EYS: variants seen among roughly 807,000 people sequenced by gnomAD.
The protein encoded by EYS is EGF-like photoreceptor maintenance factor, also known as protein eyes shut homolog.
Under a neutral mutation model 282.1 loss-of-function variants are expected in EYS, and 250 were observed. The ratio of observed to expected loss-of-function variants is 0.89; its 90% CI spans 0.80 to 0.98. The LOEUF is 0.98. EYS is among the 50% of genes least tolerant of loss of function. EYS has a pLI of 0.00. For synonymous variants in EYS, 1,355 were observed against 1,282.9 expected, an observed-to-expected ratio of 1.06 and a Z score of -1.20; for missense variants, 4,016 against 3,709.0, an observed-to-expected ratio of 1.08 and a Z score of -2.15.
chr6:63,767,163 A>G (rs1769809990), intron 40 of EYS, among the ~76,000 whole-genome samples: 1 of 152,060 alleles, frequency 6.6e-6, no homozygotes. Flanking sequence ...TCCCCTTGAG[A>G]ACTGCAACAA....
At chr6:63,890,069 C>T (rs972012590) in intron 35 of EYS, among the ~76,000 whole-genome samples, 5 of 152,204 alleles carry the variant, frequency 3.3e-5, no homozygotes, top group African/African-American at 4.8e-5. Flanking sequence ...GCTAACTATC[C>T]TAAATATATA....
intron 12 of EYS, among the ~76,000 whole-genome samples, chr6:65,091,270 CTA>C (rs1774552954): frequency 1.5e-5 from 1 of 68,764 alleles, no homozygotes; most frequent in Non-Finnish European, 2.6e-5. Flanking sequence ...CCCATCTCCC[CTA>C]AAAAAAAAAA....
At chr6:65,271,790 G>C (rs1250801975) in intron 12 of EYS, among the ~76,000 whole-genome samples, 1 of 151,820 alleles carries the variant, frequency 6.6e-6, no homozygotes. Context: ...CACCACGTTG[G>C]CCAGGCTAGT....
intron 26 of EYS, among the ~76,000 whole-genome samples, chr6:64,542,559 A>G (rs1447910687): frequency 6.6e-6 from 1 of 152,106 alleles, no homozygotes. Context: ...TTTGGTCTAC[A>G]GTGATTGTGA....
At chr6:64,795,247 AAAG>A (rs1774319535) in intron 22 of EYS, among the ~76,000 whole-genome samples, 2 of 152,058 alleles carry the variant, frequency 1.3e-5, no homozygotes, top group Non-Finnish European at 2.9e-5. Context: ...AAAAAAAAAA[AAAG>A]AAGTAGACAT....
intron 5 of EYS, among the ~76,000 whole-genome samples, chr6:65,416,847 C>A (rs1767260465): frequency 1.3e-5 from 2 of 151,882 alleles, no homozygotes; most frequent in African/African-American, 4.8e-5. Context: ...CCTTTCATTT[C>A]TATGGGGAGA....
chr6:64,995,110 CCTGCAGGAG>C (rs987153796), intron 14 of EYS, among the ~76,000 whole-genome samples: 37 of 152,152 alleles, frequency 2.4e-4, no homozygotes, highest in African/African-American at 7.7e-4. Flanking sequence ...CAGCTTGGCC[CCTGCAGGAG>C]CTGGAGACTG....
At chr6:64,717,690 T>C (rs1771443918) in intron 22 of EYS, among the ~76,000 whole-genome samples, 1 of 152,194 alleles carries the variant, frequency 6.6e-6, no homozygotes, top group Admixed American at 6.5e-5. Flanking sequence ...AAAAAGAGTG[T>C]ATCAAACCAA....
chr6:63,927,796 G>A (rs185044704), intron 35 of EYS, among the ~76,000 whole-genome samples: 1 of 152,338 alleles, frequency 6.6e-6, no homozygotes, highest in East Asian at 1.9e-4. Context: ...TTAAGCTACT[G>A]AATGAACATA....
At chr6:64,562,434 C>T (rs1054509220) in intron 26 of EYS, among the ~76,000 whole-genome samples, 47 of 151,590 alleles carry the variant, frequency 3.1e-4, no homozygotes, top group African/African-American at 9.7e-4. Context: ...GATTATAGAA[C>T]CTAAAGTTTA....
chr6:64,986,047 C>T (rs1238641353), intron 14 of EYS, among the ~76,000 whole-genome samples: 1 of 151,432 alleles, frequency 6.6e-6, no homozygotes, highest in African/African-American at 2.4e-5. Flanking sequence ...ATGGAAGAAT[C>T]TATATCAGAT....
chr6:65,586,238 G>C (rs1181944224), intron 2 of EYS, among the ~76,000 whole-genome samples: 2 of 151,998 alleles, frequency 1.3e-5, no homozygotes, highest in African/African-American at 4.8e-5. Context: ...TAACTGAACA[G>C]AAGGATTTAT....
chr6:65,026,888 G>T (rs754589355), intron 13 of EYS, among the ~76,000 whole-genome samples: 2 of 139,722 alleles, frequency 1.4e-5, no homozygotes, highest in Admixed American at 1.5e-4. Flanking sequence ...TTGCACTCCA[G>T]CCTGGGCGAC....
chr6:64,368,497 G>A (rs1402931952), intron 29 of EYS, among the ~76,000 whole-genome samples: 1 of 151,528 alleles, frequency 6.6e-6, no homozygotes, highest in East Asian at 1.9e-4. Flanking sequence ...TAAGTTCGTT[G>A]AGAAATTGCC....
At chr6:65,672,134 A>G (rs531759118) in intron 1 of EYS, among the ~76,000 whole-genome samples, 3 of 152,214 alleles carry the variant, frequency 2.0e-5, no homozygotes, top group African/African-American at 7.2e-5. Flanking sequence ...AGCTGATTCA[A>G]CTTGACAGTT....
At chr6:65,097,431 T>C (rs1356104535) in intron 12 of EYS, among the ~76,000 whole-genome samples, 3 of 150,888 alleles carry the variant, frequency 2.0e-5, no homozygotes, top group Non-Finnish European at 4.5e-5. Context: ...TGGAAAACAG[T>C]ATGCAAAATT....
intron 22 of EYS, among the ~76,000 whole-genome samples, chr6:64,675,428 CTTTTTTTTTTT>C (rs56346431): frequency 4.4e-5 from 5 of 114,626 alleles, no homozygotes; most frequent in Admixed American, 1.1e-4. Flanking sequence ...CTTTTTTTTT[CTTTTTTTTTTT>C]TTTTTTGAGA....
At position 65,246,681 on chromosome 6, in the gene EYS, T is replaced by A. The variant is rs568097713; in HGVS notation, c.2023+49182A>T. Among the ~76,000 whole-genome samples, 119 of 152,250 alleles carry A rather than the reference T, an allele frequency of 7.8e-4. 2 individuals are homozygous for A. The highest frequency in any genetic ancestry group is 5.4e-3 in the South Asian group (26 of 4,826). ...ACATCTGAAACACGGTATGTTTTAC[T>A]GTAGTCTTCTGGTATTCAGATTGGA... On this transcript the variant is annotated intron_variant, in intron 12 of 42. Transcript: ENST00000503581.
rs1766346243 is a variant in EYS at position 64,589,901 on chromosome 6, A to T, written c.5644+322T>A. Among the ~76,000 whole-genome samples the T allele has an allele frequency of 2.6e-5, 4 of 152,120 alleles. No individual in the cohort carries two copies. The East Asian group carries it at 7.7e-4, about 29-fold the overall frequency. On this transcript the variant is annotated intron_variant, in intron 26 of 42. Coordinates refer to ENST00000503581, the MANE Select transcript of EYS (RefSeq NM_001142800.2). ...TTCAACCTGACAAAGAAGCTATTTC[A>T]AGAAATGAGAATAATAAAAGTTATT...
Sources: allele counts gnomAD v4.1 joint callset (sites outside exome capture counted in the v4.1 genomes callset), GRCh38; gene constraint gnomAD v4.1.1; transcripts MANE v1.5; gene names NCBI Gene and HGNC (gene_info 2026-07-23, HGNC 2026-07-21).